Variants in KIF21A observed in about 807,000 individuals in gnomAD.
KIF21A encodes kinesin family member 21A.
Under a neutral mutation model 202.9 loss-of-function variants are expected in KIF21A, and 114 were observed. The ratio of observed to expected loss-of-function variants is 0.56; its 90% CI spans 0.48 to 0.66. The LOEUF is 0.66. Among genes scored for constraint, KIF21A ranks in the 30% least tolerant of loss-of-function variants. KIF21A has a pLI of 0.00. For missense variants in KIF21A, 1,677 were observed against 1,994.9 expected, an observed-to-expected ratio of 0.84 and a Z score of 3.04; for synonymous variants, 667 against 670.8, an observed-to-expected ratio of 0.99 and a Z score of 0.09.
intron 23 of KIF21A, 34 bp downstream of exon 23, chr12:39,330,712 C>G: frequency 6.2e-7 from 1 of 1,606,390 alleles, no homozygotes; most frequent in South Asian, 1.1e-5. Context: ...AGCTACCATG[C>G]AAATTCATTC....
chr12:39,434,243 G>A (rs763291536), intron 1 of KIF21A, among the ~76,000 whole-genome samples: 1 of 152,014 alleles, frequency 6.6e-6, no homozygotes, highest in Non-Finnish European at 1.5e-5. Context: ...GAACAAGAGG[G>A]GACTAAACTC....
chr12:39,323,104 G>A (rs1366446162), intron 26 of KIF21A, among the ~76,000 whole-genome samples: 1 of 142,732 alleles, frequency 7.0e-6, no homozygotes, highest in Non-Finnish European at 1.5e-5. Flanking sequence ...GTACTTATAT[G>A]CCAGGCACTG....
At chr12:39,402,084 G>A (rs1346073781) in intron 1 of KIF21A, among the ~76,000 whole-genome samples, 1 of 152,110 alleles carries the variant, frequency 6.6e-6, no homozygotes, top group African/African-American at 2.4e-5. Context: ...CTGTATATTT[G>A]GACATTCTGG....
At chr12:39,350,256 A>C (rs1592277329) in intron 11 of KIF21A, among the ~76,000 whole-genome samples, 1 of 152,126 alleles carries the variant, frequency 6.6e-6, no homozygotes, top group East Asian at 1.9e-4. Context: ...CACAACCGCT[A>C]TTAAAATGTT....
intron 1 of KIF21A, among the ~76,000 whole-genome samples, chr12:39,408,106 TAA>T (rs1331109656): frequency 6.6e-6 from 1 of 151,876 alleles, no homozygotes; most frequent in Non-Finnish European, 1.5e-5. Flanking sequence ...GAAAAAAATA[TAA>T]AAAGTTTATT....
chr12:39,352,186 C>T (rs746707496), intron 10 of KIF21A, among the ~76,000 whole-genome samples: 12 of 152,008 alleles, frequency 7.9e-5, no homozygotes, highest in Non-Finnish European at 1.2e-4. Context: ...GAAATATTAA[C>T]TTCCCCTCAG....
intron 1 of KIF21A, among the ~76,000 whole-genome samples, chr12:39,393,814 C>T (rs1280688512): frequency 1.3e-5 from 2 of 152,128 alleles, no homozygotes; most frequent in Admixed American, 6.5e-5. Context: ...AATAACATGA[C>T]ATGAAATAAC....
intron 1 of KIF21A, among the ~76,000 whole-genome samples, chr12:39,376,238 A>G (rs1950263515): frequency 6.6e-6 from 1 of 152,152 alleles, no homozygotes; most frequent in Non-Finnish European, 1.5e-5. Flanking sequence ...TTGTTATGCA[A>G]AGATAATAAA....
chr12:39,351,736 A>G (rs780545472), intron 11 of KIF21A, 41 bp downstream of exon 11: 2 of 1,217,816 alleles, frequency 1.6e-6, no homozygotes, highest in South Asian at 1.2e-5. Flanking sequence ...TACCCTGAAA[A>G]GGAAATAGAG....
At position 39,341,571 on chromosome 12, in the gene KIF21A, C is replaced by T. The variant is rs747284637; in HGVS notation, c.1855G>A (p.Glu619Lys). ...CCCCCATCAATGTCATCTTCCTCCT[C>T]CTCCTCCTCCTCTTCTTCATCCTCA... is the stretch of plus-strand genomic sequence containing the variant. ...DHEDEEEEEEEEEDDIDGGES... is the reference protein window; with the variant it reads ...DHEDEEEEEEKEEDDIDGGES... Residue 619 changes from glutamate (E) to lysine (K), a missense_variant, in exon 14 of 38, where the codon GAG (glutamate) becomes AAG (lysine). Glu to Lys is a moderately conservative substitution (Grantham distance 56). Around this residue, in one of 3 missense-constraint regions of KIF21A, gnomAD observed 966 missense variants for 1,180.9 expected, o/e 0.82. Coordinates refer to ENST00000361418, the MANE Select transcript of KIF21A (RefSeq NM_001173464.2). 1 of 1,609,274 alleles carries T rather than the reference C, an allele frequency of 6.2e-7. No individual in the cohort carries two copies. Among genetic ancestry groups the T allele is most frequent in the Admixed American group, 1.7e-5 (1 of 59,958 alleles).
At chr12:39,436,448 A>ATATTTTT (rs1387332677) in intron 1 of KIF21A, among the ~76,000 whole-genome samples, 31 of 95,758 alleles carry the variant, frequency 3.2e-4, no homozygotes, top group Admixed American at 2.1e-4. Context: ...ATATATATAT[A>ATATTTTT]TTTTTTTTTT....
At chr12:39,332,118 A>G in intron 21 of KIF21A, 96 bp downstream of exon 21, 1 of 1,175,614 alleles carries the variant, frequency 8.5e-7, no homozygotes, top group South Asian at 1.2e-5. Context: ...CAGGAAATAG[A>G]AAATACCTTC....
At chr12:39,352,153 C>T (rs1416066318) in intron 10 of KIF21A, among the ~76,000 whole-genome samples, 173 bp from the exon 11 acceptor site, 3 of 151,968 alleles carry the variant, frequency 2.0e-5, no homozygotes, top group Non-Finnish European at 4.4e-5. Flanking sequence ...TTTTATCTTC[C>T]CATACTGAGA....
chr12:39,341,741 G>T, intron 13 of KIF21A, 119 bp from the exon 14 acceptor site: 2 of 1,090,924 alleles, frequency 1.8e-6, no homozygotes, highest in Non-Finnish European at 2.7e-6. Context: ...CTTGTCATCA[G>T]TATAAAAATG....
In KIF21A at chr12:39,318,214, A is replaced by G; in HGVS notation, c.3780-13T>C. On this transcript the variant is annotated splice_polypyrimidine_tract_variant and intron_variant, in intron 28 of 37. Coordinates refer to ENST00000361418, the MANE Select transcript of KIF21A (RefSeq NM_001173464.2). ...TCCAGAATCTGAGCTACAAGAAAAA[A>G]AGAACATTAAGTAGGTGGCTTTAAT... 6.2e-7 allele frequency: 1 copy of G among 1,612,014 alleles called. No homozygotes were observed.
chr12:39,441,676 A>AAAAAAAAAC (rs1041857523), intron 1 of KIF21A, among the ~76,000 whole-genome samples: 4 of 137,376 alleles, frequency 2.9e-5, no homozygotes, highest in African/African-American at 8.4e-5. Context: ...AAAAAAAAAA[A>AAAAAAAAAC]AAAACACTTA....
At chr12:39,329,410 ATGAATTG>A (rs2138031662) in intron 24 of KIF21A, among the ~76,000 whole-genome samples, 1 of 152,322 alleles carries the variant, frequency 6.6e-6, no homozygotes, top group East Asian at 1.9e-4. Flanking sequence ...ATATATTTCT[ATGAATTG>A]AGCCACTAAG....
At chr12:39,356,065 G>A (rs945629410) in intron 10 of KIF21A, among the ~76,000 whole-genome samples, 1 of 152,178 alleles carries the variant, frequency 6.6e-6, no homozygotes, top group Admixed American at 6.5e-5. Flanking sequence ...CCCCCATGGA[G>A]CTGACTGGGG....
At chr12:39,392,802 G>T (rs745813518) in intron 1 of KIF21A, among the ~76,000 whole-genome samples, 8 of 148,352 alleles carry the variant, frequency 5.4e-5, no homozygotes, top group Non-Finnish European at 1.0e-4. Context: ...AATTCAGATT[G>T]TGGGAAAATA....
Sources: allele counts gnomAD v4.1 joint callset (sites outside exome capture counted in the v4.1 genomes callset), GRCh38; gene constraint gnomAD v4.1.1; regional missense constraint gnomAD v4.1.1; transcripts MANE v1.5; gene names NCBI Gene and HGNC (gene_info 2026-07-23, HGNC 2026-07-21).